Variants in MECOM observed in about 807,000 individuals in gnomAD.
MECOM encodes MDS1 and EVI1 complex locus, also known as histone-lysine N-methyltransferase MECOM.
A neutral mutation model predicts 116.3 loss-of-function variants in MECOM; 13 were observed. The observed-to-expected ratio is 0.11, with a 90% CI of 0.07 to 0.18. The LOEUF (loss-of-function observed/expected upper bound fraction) is 0.18, where lower values mean the gene tolerates loss of function less well. MECOM is among the 10% of genes least tolerant of loss of function. The pLI, the probability that MECOM is intolerant of heterozygous loss-of-function variation, is 1.00. For missense variants in MECOM, 1,299 were observed against 1,509.0 expected (o/e 0.86, Z 2.31); for synonymous variants, 528 against 535.2 (o/e 0.99, Z 0.19).
chr3:169,283,211 C>CA (rs1252533750), intron 2 of MECOM, among the ~76,000 whole-genome samples: 1 of 151,686 alleles, frequency 6.6e-6, no homozygotes, highest in Non-Finnish European at 1.5e-5. Flanking sequence ...ACACTTATTA[C>CA]AAAAAAAGAG....
At chr3:169,638,043 T>C (rs902226451) in intron 1 of MECOM, among the ~76,000 whole-genome samples, 3 of 152,216 alleles carry the variant, frequency 2.0e-5, no homozygotes, top group African/African-American at 7.2e-5. Context: ...GAAGAAATAT[T>C]TCATCTGACA....
chr3:169,554,893 G>A (rs1761854246), intron 1 of MECOM, among the ~76,000 whole-genome samples: 1 of 152,160 alleles, frequency 6.6e-6, no homozygotes, highest in Non-Finnish European at 1.5e-5. Context: ...GAGCAATGGG[G>A]AATCCAAAAA....
At chr3:169,292,491 T>C (rs1714766313) in intron 2 of MECOM, among the ~76,000 whole-genome samples, 1 of 152,160 alleles carries the variant, frequency 6.6e-6, no homozygotes, top group African/African-American at 2.4e-5. Context: ...TATTCTGCTT[T>C]CTGAACAAGA....
At chr3:169,419,650 A>G (rs1435510298) in intron 1 of MECOM, among the ~76,000 whole-genome samples, 1 of 152,196 alleles carries the variant, frequency 6.6e-6, no homozygotes, top group Non-Finnish European at 1.5e-5. Context: ...AAAAGCATAA[A>G]AACCATAGAA....
At chr3:169,214,535 A>G (rs931473833) in intron 2 of MECOM, among the ~76,000 whole-genome samples, 5 of 151,824 alleles carry the variant, frequency 3.3e-5, no homozygotes, top group South Asian at 2.1e-4. Flanking sequence ...TTAGAATTCA[A>G]TAAGGCAAAA....
chr3:169,146,674 T>G, intron 2 of MECOM: 1 of 1,326,390 alleles, frequency 7.5e-7, no homozygotes, highest in Non-Finnish European at 9.9e-7. Context: ...GTGACAAACT[T>G]TCACATCGCC....
intron 1 of MECOM, among the ~76,000 whole-genome samples, chr3:169,613,224 A>C (rs929177844): frequency 9.9e-5 from 15 of 152,204 alleles, no homozygotes; most frequent in Admixed American, 9.8e-4. Context: ...ATTTATATCG[A>C]AGACATGCTG....
intron 1 of MECOM, among the ~76,000 whole-genome samples, chr3:169,431,417 G>A (rs780257966): frequency 5.9e-5 from 9 of 152,130 alleles, no homozygotes; most frequent in African/African-American, 1.4e-4. Context: ...CTGGCTTACC[G>A]TTGCTAGTAG....
chr3:169,314,855 G>T (rs1252457363), intron 2 of MECOM, among the ~76,000 whole-genome samples: 2 of 152,202 alleles, frequency 1.3e-5, no homozygotes, highest in African/African-American at 4.8e-5. Context: ...CTATGAGGAA[G>T]CTGGAGGATT....
chr3:169,598,657 T>G (rs553592526), intron 1 of MECOM, among the ~76,000 whole-genome samples: 1 of 152,248 alleles, frequency 6.6e-6, no homozygotes, highest in East Asian at 1.9e-4. Flanking sequence ...TAAAGGGGGG[T>G]AATGATACTT....
intron 3 of MECOM, among the ~76,000 whole-genome samples, chr3:169,136,240 T>C (rs1378135165): frequency 6.6e-6 from 1 of 151,614 alleles, no homozygotes; most frequent in Non-Finnish European, 1.5e-5. Context: ...AATATAAATG[T>C]GCTTAGATAT....
intron 1 of MECOM, among the ~76,000 whole-genome samples, chr3:169,502,815 C>T (rs543614734): frequency 2.5e-4 from 38 of 152,224 alleles, no homozygotes; most frequent in African/African-American, 9.1e-4. Flanking sequence ...AAAAATGCCA[C>T]TCATTTCCAT....
chr3:169,574,150 G>A (rs1237465001), intron 1 of MECOM, among the ~76,000 whole-genome samples: 1 of 151,718 alleles, frequency 6.6e-6, no homozygotes, highest in Non-Finnish European at 1.5e-5. Context: ...AAAAGCCTTG[G>A]GGACAGCATT....
chr3:169,314,539 G>A (rs1455444572), intron 2 of MECOM, among the ~76,000 whole-genome samples: 2 of 152,062 alleles, frequency 1.3e-5, no homozygotes, highest in Non-Finnish European at 2.9e-5. Context: ...CATTGTCTTA[G>A]TAATTCTCAC....
At chr3:169,377,080 G>T (rs1731165712) in intron 2 of MECOM, among the ~76,000 whole-genome samples, 2 of 152,180 alleles carry the variant, frequency 1.3e-5, no homozygotes, top group South Asian at 4.2e-4. Context: ...AATGGGGAAA[G>T]GATTCCCTAT....
chr3:169,202,219 C>A (rs1373039932), intron 2 of MECOM, among the ~76,000 whole-genome samples: 1 of 152,048 alleles, frequency 6.6e-6, no homozygotes, highest in African/African-American at 2.4e-5. Flanking sequence ...TTCTTACCAC[C>A]TTTTTAAAAA....
At chr3:169,598,200 C>A (rs1374671735) in intron 1 of MECOM, among the ~76,000 whole-genome samples, 1 of 152,174 alleles carries the variant, frequency 6.6e-6, no homozygotes, top group Non-Finnish European at 1.5e-5. Flanking sequence ...TGCTATCAAT[C>A]TGAAAATAAT....
At chr3:169,309,882 C>G (rs1340930576) in intron 2 of MECOM, among the ~76,000 whole-genome samples, 3 of 152,164 alleles carry the variant, frequency 2.0e-5, no homozygotes, top group South Asian at 4.1e-4. Flanking sequence ...GTCTGCAGAC[C>G]CTGTCAGGAT....
Position 169,299,526 on chromosome 3 carries a change from G to A in MECOM, c.375+81661C>T, listed in dbSNP as rs934190845. Reference sequence around the variant, plus strand: ...TCATTTACTAACAGCTTTTCCTTCAGCAAATCACTCAAGACCTTTCAAAGT... The same window carrying A: ...TCATTTACTAACAGCTTTTCCTTCAACAAATCACTCAAGACCTTTCAAAGT... On this transcript the variant is annotated intron_variant, in intron 2 of 16. Coordinates refer to ENST00000651503, the MANE Select transcript of MECOM (RefSeq NM_004991.4). 3.3e-5 allele frequency among the ~76,000 whole-genome samples: 5 copies of A among 152,120 alleles called. No homozygotes were observed. In the East Asian group the frequency reaches 7.7e-4, roughly 23 times the overall value.
Sources: allele counts gnomAD v4.1 joint callset (sites outside exome capture counted in the v4.1 genomes callset), GRCh38; gene constraint gnomAD v4.1.1; transcripts MANE v1.5; gene names NCBI Gene and HGNC (gene_info 2026-07-23, HGNC 2026-07-21).